CDK19: variants seen among roughly 807,000 people sequenced by gnomAD.
The protein encoded by CDK19 is cyclin dependent kinase 19, also known as cyclin-dependent kinase 19.
CDK19 carries 20 observed loss-of-function variants against 68.3 expected under a neutral mutation model. The observed-to-expected ratio is 0.29, with a 90% CI of 0.21 to 0.43. The LOEUF (loss-of-function observed/expected upper bound fraction) is 0.43, where lower values mean the gene tolerates loss of function less well. CDK19 is among the 20% of genes least tolerant of loss of function. The probability of loss-of-function intolerance (pLI) is 1.00; values close to 1 mark genes in which losing one functional copy is unlikely to be tolerated. For missense variants in CDK19, 339 were observed against 623.5 expected (o/e 0.54, Z 4.86); for synonymous variants, 221 against 222.8 (o/e 0.99, Z 0.07).
At chr6:110,728,071 C>T (rs1488738513) in intron 2 of CDK19, among the ~76,000 whole-genome samples, 1 of 151,192 alleles carries the variant, frequency 6.6e-6, no homozygotes, top group Non-Finnish European at 1.5e-5. Context: ...TGGGGGATCA[C>T]GAGGTCGGGA....
intron 1 of CDK19, among the ~76,000 whole-genome samples, chr6:110,749,845 T>A (rs1184260617): frequency 6.9e-6 from 1 of 145,606 alleles, no homozygotes; most frequent in Non-Finnish European, 1.5e-5. Context: ...TGATCTCAGT[T>A]CAGTGCAACC....
Position 110,815,239 on chromosome 6 carries a change from TCTCG to T in CDK19, c.-107_-104del. 8.7e-7 allele frequency: 1 copy of T among 1,148,824 alleles called. No individual in the cohort carries two copies. Among genetic ancestry groups the T allele is most frequent in the Admixed American group, 4.6e-5 (1 of 21,726 alleles). The allele number at this position is 1,148,824 out of a possible 1,614,324, so 71.2% of individuals were successfully genotyped here. Reference sequence around the variant, plus strand: ...CCGCTCCACTTCTCCAACAGCCGCCTCTCGCGCGCGCGCGCGCGCCGCCCGCCGC... The same window carrying T: ...CCGCTCCACTTCTCCAACAGCCGCCTCGCGCGCGCGCGCGCCGCCCGCCGC... On this transcript the variant is annotated 5_prime_UTR_variant, in exon 1 of 13. Coordinates refer to ENST00000368911, the MANE Select transcript of CDK19 (RefSeq NM_015076.5).
chr6:110,704,473 C>T (rs575877547), intron 2 of CDK19, among the ~76,000 whole-genome samples: 18 of 152,258 alleles, frequency 1.2e-4, no homozygotes, highest in South Asian at 2.1e-4. Flanking sequence ...CCTTTCCATT[C>T]ATTAAATCCA....
In CDK19 at chr6:110,632,121, C is replaced by T. The variant is rs750718793; in HGVS notation, c.555G>A (p.Lys185=). 5.0e-6 allele frequency: 8 copies of T among 1,612,756 alleles called. No individual in the cohort carries two copies. In the Admixed American group the frequency reaches 1.3e-4, roughly 27 times the overall value. Residue 185 remains lysine (K), a synonymous_variant, in exon 6 of 13, where the codon AAG becomes AAA. Coordinates refer to ENST00000368911, the MANE Select transcript of CDK19 (RefSeq NM_015076.5). The part of the protein sequence containing the change: ...GFARLFNSPL[K]PLADLDPVVV... ...CTACTGGATCCAAATCTGCTAGTGG[C>T]TTTAGAGGAGAATTGAATAATCTGG...
chr6:110,786,029 G>C (rs961170252), intron 1 of CDK19, among the ~76,000 whole-genome samples: 1 of 151,562 alleles, frequency 6.6e-6, no homozygotes, highest in Non-Finnish European at 1.5e-5. Context: ...CATAATTTCT[G>C]CCTGACTTTT....
chr6:110,673,652 C>A (rs1582832036), intron 2 of CDK19, among the ~76,000 whole-genome samples: 1 of 151,922 alleles, frequency 6.6e-6, no homozygotes, highest in South Asian at 2.1e-4. Context: ...ATTAAGTTTG[C>A]CATTAATATT....
intron 4 of CDK19, among the ~76,000 whole-genome samples, chr6:110,653,513 A>C (rs1182590536): frequency 6.6e-6 from 1 of 152,226 alleles, no homozygotes; most frequent in African/African-American, 2.4e-5. Flanking sequence ...TCTTACTGTG[A>C]ACACAAAATG....
chr6:110,745,944 G>A (rs1778046067), intron 2 of CDK19, among the ~76,000 whole-genome samples, 182 bp downstream of exon 2: 1 of 152,018 alleles, frequency 6.6e-6, no homozygotes, highest in Admixed American at 6.6e-5. Flanking sequence ...ATGAGATCCT[G>A]TCTCAAAATT....
intron 4 of CDK19, among the ~76,000 whole-genome samples, chr6:110,655,373 A>T (rs9487478): frequency 0.014 from 2,170 of 152,070 alleles, 52 homozygotes; most frequent in African/African-American, 0.05. Flanking sequence ...CTCAAAAAAA[A>T]AAAAATAAAT....
intron 1 of CDK19, among the ~76,000 whole-genome samples, chr6:110,803,807 G>C (rs139962332): frequency 2.6e-5 from 4 of 152,222 alleles, no homozygotes; most frequent in African/African-American, 9.6e-5. Flanking sequence ...GTCTCTACAA[G>C]AAATGCAAGA....
At chr6:110,811,717 T>C (rs1001797323) in intron 1 of CDK19, among the ~76,000 whole-genome samples, 2 of 152,222 alleles carry the variant, frequency 1.3e-5, no homozygotes, top group African/African-American at 4.8e-5. Flanking sequence ...TTCAGAAATA[T>C]TCTGAACTTG....
chr6:110,772,978 G>A (rs565678405), intron 1 of CDK19, among the ~76,000 whole-genome samples: 1 of 150,946 alleles, frequency 6.6e-6, no homozygotes, highest in African/African-American at 2.4e-5. Flanking sequence ...CACTTTGGGA[G>A]GCTAAGGCGG....
chr6:110,688,845 A>G (rs933775291), intron 2 of CDK19, among the ~76,000 whole-genome samples: 6 of 152,216 alleles, frequency 3.9e-5, no homozygotes, highest in African/African-American at 1.4e-4. Flanking sequence ...GAAGCCCTCA[A>G]CTGAATTTCA....
chr6:110,645,137 C>T (rs1780469606), intron 4 of CDK19, among the ~76,000 whole-genome samples: 1 of 152,050 alleles, frequency 6.6e-6, no homozygotes, highest in South Asian at 2.1e-4. Flanking sequence ...AACTTTCTAT[C>T]CAGTAATTAG....
chr6:110,656,998 T>C (rs1372249349), intron 4 of CDK19, among the ~76,000 whole-genome samples: 1 of 152,232 alleles, frequency 6.6e-6, no homozygotes, highest in Non-Finnish European at 1.5e-5. Context: ...GCTTTCTATT[T>C]ATGTTTGGAA....
intron 1 of CDK19, among the ~76,000 whole-genome samples, chr6:110,809,179 C>G (rs961674584): frequency 6.7e-6 from 1 of 150,338 alleles, no homozygotes; most frequent in Non-Finnish European, 1.5e-5. Context: ...TGCGCCACTG[C>G]ACTCCAGCCT....
Position 110,720,525 on chromosome 6 carries a change from G to A in CDK19, c.204+25601C>T, listed in dbSNP as rs560114673. Among the ~76,000 whole-genome samples the A allele has an allele frequency of 8.5e-5, 13 of 152,276 alleles. No individual in the cohort carries two copies. In the South Asian group the frequency reaches 2.5e-3, roughly 29 times the overall value. Reference sequence around the variant, plus strand: ...AGTAATTATTTGATGGCATTAGCATGCTGTTAAACGACAAAAAAGAGAAGC... The same window carrying A: ...AGTAATTATTTGATGGCATTAGCATACTGTTAAACGACAAAAAAGAGAAGC... On this transcript the variant is annotated intron_variant, in intron 2 of 12. Coordinates refer to ENST00000368911, the MANE Select transcript of CDK19 (RefSeq NM_015076.5).
chr6:110,625,298 C>T (rs1476595402), intron 8 of CDK19, among the ~76,000 whole-genome samples: 1 of 151,924 alleles, frequency 6.6e-6, no homozygotes, highest in East Asian at 1.9e-4. Flanking sequence ...AAGTACTCAT[C>T]CTCACCAGTA....
Position 110,717,567 on chromosome 6 carries a change from T to C in CDK19, c.204+28559A>G, listed in dbSNP as rs550630528. 2.6e-5 allele frequency among the ~76,000 whole-genome samples: 4 copies of C among 152,332 alleles called. No individual in the cohort carries two copies. In the East Asian group the frequency reaches 7.7e-4, roughly 29 times the overall value. On this transcript the variant is annotated intron_variant, in intron 2 of 12. Transcript: ENST00000368911. ...TTCTTTATTTCCCTCATTAAACACATTTTAAACGGTACATGTGAAAAGTCA... is the reference window on the plus strand; with the variant it reads ...TTCTTTATTTCCCTCATTAAACACACTTTAAACGGTACATGTGAAAAGTCA...
Sources: allele counts gnomAD v4.1 joint callset (sites outside exome capture counted in the v4.1 genomes callset), GRCh38; gene constraint gnomAD v4.1.1; transcripts MANE v1.5; gene names NCBI Gene and HGNC (gene_info 2026-07-23, HGNC 2026-07-21).